DPH7: variants seen among roughly 807,000 people sequenced by gnomAD.
The protein encoded by DPH7 is diphthamide biosynthesis 7, also known as diphthine methyltransferase.
Under a neutral mutation model 41.7 loss-of-function variants are expected in DPH7, and 44 were observed. The observed-to-expected ratio is 1.05, with a 90% CI of 0.83 to 1.36. The LOEUF (loss-of-function observed/expected upper bound fraction) is 1.36. Ranked by LOEUF, DPH7 falls within the 40% of genes most tolerant of loss-of-function variation. The pLI is 0.00. For missense variants in DPH7, 629 were observed against 577.5 expected (o/e 1.09, Z -0.91); for synonymous variants, 275 against 238.0 (o/e 1.16, Z -1.43).
At chr9:137,569,986 A>G (rs1840140864) in intron 5 of DPH7, among the ~76,000 whole-genome samples, 1 of 142,332 alleles carries the variant, frequency 7.0e-6, no homozygotes, top group African/African-American at 2.7e-5. Flanking sequence ...TCCACCATCC[A>G]TCCATCCAGT....
chr9:137,556,905 T>G lies in DPH7; in HGVS notation c.950-1257A>C. On this transcript the variant is annotated intron_variant, in intron 8 of 8. Transcript: ENST00000277540. This position sits in a 1 kb window ranked among gnomAD's most constrained non-coding sequence, Gnocchi z 5.2. ...CGAATGAGTGGACGGAAGACACTGT[T>G]GCGACCCCAAGAATGGGAGGCCCTT... is the stretch of plus-strand genomic sequence containing the variant. The G allele has an allele frequency of 2.2e-6, 1 of 456,526 alleles. No individual in the cohort carries two copies. Among genetic ancestry groups the G allele is most frequent in the Non-Finnish European group, 4.4e-6 (1 of 226,898 alleles). 28.3% of individuals were successfully genotyped at this position (456,526 alleles called of 1,614,324 possible). A position where few individuals can be genotyped will look rare whatever the true frequency, so the allele number is the denominator to read the frequency against.
chr9:137,575,215 A>C, intron 3 of DPH7: 3 of 1,009,080 alleles, frequency 3.0e-6, no homozygotes, highest in Non-Finnish European at 3.5e-6. Context: ...CTCCAGGGCC[A>C]CTGGAACACT....
chr9:137,562,193 G>A (rs1354344496), intron 8 of DPH7, among the ~76,000 whole-genome samples: 1 of 152,118 alleles, frequency 6.6e-6, no homozygotes, highest in Non-Finnish European at 1.5e-5. Flanking sequence ...TGCCCAGACA[G>A]GAGATTCAGT....
intron 8 of DPH7, among the ~76,000 whole-genome samples, chr9:137,564,001 G>C (rs1001149589): frequency 6.6e-6 from 1 of 152,166 alleles, no homozygotes; most frequent in African/African-American, 2.4e-5. Context: ...ACTGGGTTCT[G>C]CCCAGAGTGT....
chr9:137,574,936 T>C (rs1841120802), intron 3 of DPH7, 93 bp from the exon 4 acceptor site: 2 of 1,577,990 alleles, frequency 1.3e-6, no homozygotes, highest in African/African-American at 2.7e-5. Flanking sequence ...CATCGTTCCC[T>C]CATTTACAAC....
intron 8 of DPH7, among the ~76,000 whole-genome samples, chr9:137,562,238 G>C (rs1191376458): frequency 6.6e-6 from 1 of 151,942 alleles, no homozygotes; most frequent in Non-Finnish European, 1.5e-5. Context: ...ATAAAGCCGA[G>C]ACCTCACAGG....
At chr9:137,570,262 A>G (rs1840213945) in intron 5 of DPH7, among the ~76,000 whole-genome samples, 1 of 152,238 alleles carries the variant, frequency 6.6e-6, no homozygotes, top group African/African-American at 2.4e-5. Context: ...TGACCTAGGC[A>G]TGAAGCCTGC....
At position 137,578,715 on chromosome 9, in the gene DPH7, C is replaced by G; in HGVS notation, c.63G>C (p.Trp21Cys). The part of the protein sequence containing the change: ...DTELTADSVE[W>C]CPLQGCRHLL... ...GGTGCCTGCAGCCTTGCAGCGGGCA[C>G]CACTCCACCGAGTCCGCGGTCAGCT... The change falls in exon 1 of 9, where the codon TGG becomes TGC. Residue 21 changes from tryptophan to cysteine, a missense_variant. Trp to Cys is a radical substitution (Grantham distance 215, BLOSUM62 -2). Transcript: ENST00000277540. The G allele has an allele frequency of 6.5e-7, 1 of 1,531,272 alleles. No individual in the cohort carries two copies. Among genetic ancestry groups the G allele is most frequent in the Admixed American group, 2.1e-5 (1 of 48,734 alleles). 94.9% of individuals were successfully genotyped at this position (1,531,272 alleles called of 1,614,324 possible).
intron 3 of DPH7, chr9:137,575,258 C>T: frequency 1.0e-6 from 1 of 996,408 alleles, no homozygotes; most frequent in Non-Finnish European, 1.2e-6. Flanking sequence ...GGGGAAACTC[C>T]TCTGGTTTCC....
chr9:137,572,251 C>A (rs560456771), intron 5 of DPH7, among the ~76,000 whole-genome samples: 51 of 152,288 alleles, frequency 3.3e-4, no homozygotes, highest in African/African-American at 1.2e-3. Flanking sequence ...CGTGACGAAA[C>A]CCTGAGACTG....
At chr9:137,576,753 G>A (rs762211064) in intron 2 of DPH7, among the ~76,000 whole-genome samples, 5 of 152,178 alleles carry the variant, frequency 3.3e-5, no homozygotes, top group Non-Finnish European at 4.4e-5. Flanking sequence ...AGCCGGGTGT[G>A]GTGGCGGGCG....
intron 1 of DPH7, 152 bp from the exon 2 acceptor site, chr9:137,577,755 A>G: frequency 9.1e-7 from 1 of 1,093,374 alleles, no homozygotes; most frequent in Non-Finnish European, 1.3e-6. Flanking sequence ...TGAGCTGGAG[A>G]AACGTCTATT....
intron 8 of DPH7, among the ~76,000 whole-genome samples, chr9:137,555,925 G>A (rs1246315530): frequency 6.6e-6 from 1 of 152,242 alleles, no homozygotes; most frequent in Non-Finnish European, 1.5e-5. Context: ...TACGGCAAAA[G>A]CCAGAGAGGG....
intron 5 of DPH7, among the ~76,000 whole-genome samples, chr9:137,573,785 T>C (rs962311151): frequency 1.5e-5 from 2 of 136,854 alleles, no homozygotes; most frequent in Non-Finnish European, 3.2e-5. Flanking sequence ...AAAAAAATAG[T>C]GGCCAGGCGC....
intron 8 of DPH7, among the ~76,000 whole-genome samples, chr9:137,561,896 G>A (rs571316435): frequency 3.3e-5 from 5 of 152,116 alleles, no homozygotes; most frequent in South Asian, 4.2e-4. Context: ...ATGGAGTCTC[G>A]CTGTGTCTCC....
At position 137,577,706 on chromosome 9, in the gene DPH7, G is replaced by A. The variant is rs1384286806; in HGVS notation, c.154-103C>T. On this transcript the variant is annotated intron_variant, in intron 1 of 8. Coordinates refer to ENST00000277540, the MANE Select transcript of DPH7 (RefSeq NM_138778.5). ...AACTCAAAGGTTTGCCATGACTAAA[G>A]GAGTGGAATTCTGCCTGGAAGGAGA... 4 of 1,431,054 alleles carry A rather than the reference G, an allele frequency of 2.8e-6. No homozygotes were observed. The East Asian group carries it at 6.9e-5, about 25-fold the overall frequency. The allele number at this position is 1,431,054 out of a possible 1,614,324, so 88.6% of individuals were successfully genotyped here.
chr9:137,571,277 C>T (rs567706311), intron 5 of DPH7, among the ~76,000 whole-genome samples: 1 of 152,026 alleles, frequency 6.6e-6, no homozygotes, highest in East Asian at 2.0e-4. Context: ...ACCTCTGCCT[C>T]CCGGGTTCAA....
At chr9:137,564,690 T>C (rs1839258322) in intron 7 of DPH7, 84 bp from the exon 8 acceptor site, 1 of 1,539,954 alleles carries the variant, frequency 6.5e-7, no homozygotes, top group East Asian at 2.3e-5. Context: ...ACAGAACGTC[T>C]CCCAGAGACC....
Position 137,577,659 on chromosome 9 carries a change from G to T in DPH7, c.154-56C>A, listed in dbSNP as rs1391346097. The T allele has an allele frequency of 6.9e-6, 11 of 1,592,314 alleles. No homozygotes were observed. The East Asian group carries it at 2.5e-4, about 36-fold the overall frequency. On this transcript the variant is annotated intron_variant, in intron 1 of 8. Coordinates refer to ENST00000277540, the MANE Select transcript of DPH7 (RefSeq NM_138778.5). ...ATCCCAAGACACGAAGGAACCCAAA[G>T]GATGGGAAAAGGGATCCAAGGAACT...
Sources: gnomAD v4.1 joint callset for allele counts (sites outside exome capture counted in the v4.1 genomes callset) on GRCh38, gnomAD v4.1.1 for gene constraint, Gnocchi (gnomAD v3.1) non-coding constraint, MANE v1.5 for transcripts, NCBI Gene and HGNC (gene_info 2026-07-23, HGNC 2026-07-21) for gene names.